The following SMARCA4 variants were observed in gnomAD, a reference collection of about 807,000 sequenced individuals.
The protein encoded by SMARCA4 is SWI/SNF related BAF chromatin remodeling complex subunit ATPase 4, also known as SWI/SNF-related matrix-associated actin-dependent regulator of chromatin subfamily A member 4.
In SMARCA4, 31 loss-of-function variants were observed where a neutral mutation model predicts 193.9. The observed-to-expected ratio is 0.16, with a 90% confidence interval of 0.12 to 0.22. The LOEUF is 0.22. SMARCA4 is among the 10% of genes least tolerant of loss of function. The pLI, the probability that SMARCA4 is intolerant of heterozygous loss-of-function variation, is 1.00. For synonymous variants in SMARCA4, 942 were observed against 933.1 expected, an observed-to-expected ratio of 1.01 and a Z score of -0.17; for missense variants, 1,148 against 2,296.0, an observed-to-expected ratio of 0.50 and a Z score of 10.22.
intron 1 of SMARCA4, chr19:10,965,296 C>G (rs150140711): frequency 6.6e-6 from 1 of 152,152 alleles, no homozygotes; most frequent in African/African-American, 2.4e-5. Context: ...GGGGACAGTA[C>G]TAGTACCCAG....
chr19:11,002,852 G>T (rs1372695355), intron 11 of SMARCA4, among the ~76,000 whole-genome samples, 177 bp from the exon 12 acceptor site: 1 of 151,724 alleles, frequency 6.6e-6, no homozygotes, highest in Non-Finnish European at 1.5e-5. Flanking sequence ...AGGTTGATGG[G>T]TTATATATTT....
chr19:10,981,453 C>T (rs977464474), intron 1 of SMARCA4, among the ~76,000 whole-genome samples: 1 of 152,248 alleles, frequency 6.6e-6, no homozygotes, highest in Non-Finnish European at 1.5e-5. Context: ...GTTTCTGTAG[C>T]AGAATGTGCG....
chr19:11,007,509 C>A (rs1197326935), intron 13 of SMARCA4, among the ~76,000 whole-genome samples: 2 of 149,108 alleles, frequency 1.3e-5, no homozygotes, highest in Admixed American at 1.3e-4. Flanking sequence ...GAGGCTGAGG[C>A]GAGAGGATTG....
intron 11 of SMARCA4, among the ~76,000 whole-genome samples, chr19:11,001,788 A>G (rs1176350590): frequency 1.3e-5 from 2 of 152,256 alleles, no homozygotes; most frequent in African/African-American, 4.8e-5. Context: ...GATGAAAACC[A>G]AAATTTAAAC....
intron 30 of SMARCA4, among the ~76,000 whole-genome samples, chr19:11,053,882 G>T (rs887578589): frequency 6.6e-6 from 1 of 152,170 alleles, no homozygotes; most frequent in Non-Finnish European, 1.5e-5. Flanking sequence ...CTGCACTCTA[G>T]CCTGGGCAAC....
chr19:11,020,820 GTTTTC>G (rs2089798578), intron 18 of SMARCA4: 1 of 151,840 alleles, frequency 6.6e-6, no homozygotes, highest in Admixed American at 6.6e-5. Context: ...TGAACTGGGT[GTTTTC>G]TTTTCTTTTT....
intron 30 of SMARCA4, among the ~76,000 whole-genome samples, chr19:11,045,784 C>A (rs2075868787): frequency 1.3e-5 from 2 of 152,078 alleles, no homozygotes; most frequent in Admixed American, 6.6e-5. Flanking sequence ...ATAAATCATA[C>A]AATAAATTAA....
At chr19:11,013,361 C>T (rs146987562) in intron 16 of SMARCA4, among the ~76,000 whole-genome samples, 142 of 152,310 alleles carry the variant, frequency 9.3e-4, no homozygotes, top group Non-Finnish European at 1.7e-3. Context: ...CTGTGCGTGT[C>T]TGTGTCCTCA....
intron 19 of SMARCA4, among the ~76,000 whole-genome samples, chr19:11,022,656 G>A (rs931090909): frequency 2.6e-5 from 4 of 152,270 alleles, no homozygotes; most frequent in Non-Finnish European, 5.9e-5. Flanking sequence ...TGCCCAGCAC[G>A]GCTGGGCCCA....
chr19:11,057,959 T>C (rs1420485176), intron 30 of SMARCA4, among the ~76,000 whole-genome samples: 1 of 151,154 alleles, frequency 6.6e-6, no homozygotes, highest in Non-Finnish European at 1.5e-5. Context: ...AAAATTAGCC[T>C]GGCATGGTGG....
At chr19:11,022,212 TC>T (rs1568487771) in intron 19 of SMARCA4, among the ~76,000 whole-genome samples, 1 of 152,056 alleles carries the variant, frequency 6.6e-6, no homozygotes, top group Non-Finnish European at 1.5e-5. Flanking sequence ...GACCCTATGC[TC>T]CAGGTGCAGA....
At chr19:11,026,048 C>T (rs141189809) in intron 22 of SMARCA4, among the ~76,000 whole-genome samples, 27 of 152,324 alleles carry the variant, frequency 1.8e-4, no homozygotes, top group African/African-American at 4.8e-4. Flanking sequence ...ATGACGTCCT[C>T]GTGCATTCAG....
intron 1 of SMARCA4, among the ~76,000 whole-genome samples, chr19:10,975,004 A>T (rs111362490): frequency 1.4e-5 from 2 of 143,536 alleles, no homozygotes; most frequent in Non-Finnish European, 3.0e-5. Context: ...AGCCATATGC[A>T]TATATAGTTA....
At position 11,062,113 on chromosome 19, in the gene SMARCA4, G is replaced by A. The variant is rs1438472990; in HGVS notation, c.*297G>A. ...TTTCCGTTGCTGGCAGTACTGTTGC[G>A]CCGCAGTTTGGAGTCACTGTAGTTA... On this transcript the variant is annotated 3_prime_UTR_variant, in exon 35 of 35. Transcript: ENST00000344626. 14 of 503,528 alleles carry A rather than the reference G, an allele frequency of 2.8e-5. No homozygotes were observed. Among genetic ancestry groups the A allele is most frequent in the East Asian group, 3.4e-5 (1 of 29,506 alleles). The allele number at this position is 503,528 out of a possible 1,614,324, so 31.2% of individuals were successfully genotyped here. A position where few individuals can be genotyped will look rare whatever the true frequency, so the allele number is the denominator to read the frequency against.
chr19:11,016,836 T>G (rs767345376), intron 16 of SMARCA4, among the ~76,000 whole-genome samples: 1 of 152,182 alleles, frequency 6.6e-6, no homozygotes, highest in South Asian at 2.1e-4. Context: ...TTGAGGACTT[T>G]CTTGCTTTTT....
At chr19:11,055,569 T>G (rs1373321438) in intron 30 of SMARCA4, among the ~76,000 whole-genome samples, 1 of 152,092 alleles carries the variant, frequency 6.6e-6, no homozygotes, top group Non-Finnish European at 1.5e-5. Flanking sequence ...GGGTGCTTAT[T>G]ATAAAGCCTT....
rs2146472963 is a variant in SMARCA4, at chr19:11,024,361, G to A, written c.3004G>A (p.Ala1002Thr). ...VEYVIKCDMS[A>T]LQRVLYRHMQ... is the part of the protein sequence containing the mutation. ...GTACGTCATCAAGTGCGACATGTCT[G>A]CGCTGCAGCGAGTGCTCTACCGCCA... The change falls in exon 21 of 35, where the codon GCG (alanine) becomes ACG (threonine). Residue 1002 changes from alanine (A) to threonine (T), a missense_variant. Physicochemically the swap from Ala to Thr is moderately conservative, Grantham distance 58. Transcript: ENST00000344626. The A allele has an allele frequency of 6.2e-7, 1 of 1,613,050 alleles. No homozygotes were observed. The highest frequency in any genetic ancestry group is 8.5e-7 in the Non-Finnish European group (1 of 1,179,768).
Position 10,986,352 on chromosome 19 carries a change from C to G in SMARCA4, c.519C>G (p.Asn173Lys). Residue 173 changes from asparagine (N) to lysine (K), a missense_variant, in exon 4 of 35, where the codon AAC (asparagine) becomes AAG (lysine). By Grantham distance (94) the Asn-to-Lys change is moderately conservative. Coordinates refer to ENST00000344626, the MANE Select transcript of SMARCA4 (RefSeq NM_003072.5). The surrounding 1 kb of genome is among the most constrained non-coding windows in gnomAD (Gnocchi z 6.7). ...GQQNRGPTPF[N>K]QNQLHQLRAQ... ...AGAACCGGGGCCCAACCCCATTTAA[C>G]CAGAACCAGCTGCACCAGCTCAGAG... The G allele has an allele frequency of 6.2e-7, 1 of 1,612,326 alleles. No homozygotes were observed. Among genetic ancestry groups the G allele is most frequent in the Non-Finnish European group, 8.5e-7 (1 of 1,179,464 alleles).
rs1060504461 is a variant in SMARCA4, at chr19:10,996,347, C to T, written c.1728C>T (p.Val576=). Residue 576 remains valine, a synonymous_variant, in exon 10 of 35, where the codon GTC becomes GTT. Transcript: ENST00000344626. ...TGCGGCAGCACAAGGCTGCCCAGGTCGCCAAGGAGAAAAAGAAGAAAAAGA... is the reference window on the plus strand; with the variant it reads ...TGCGGCAGCACAAGGCTGCCCAGGTTGCCAAGGAGAAAAAGAAGAAAAAGA... ...ELVRQHKAAQ[V]AKEKKKKKKK... is the part of the protein sequence containing the mutation. The T allele has an allele frequency of 1.7e-5, 27 of 1,614,042 alleles. No homozygotes were observed. Among genetic ancestry groups the T allele is most frequent in the Admixed American group, 1.7e-4 (10 of 60,010 alleles).
Sources: gnomAD v4.1 joint callset for allele counts (sites outside exome capture counted in the v4.1 genomes callset) on GRCh38, gnomAD v4.1.1 for gene constraint, Gnocchi (gnomAD v3.1) non-coding constraint, MANE v1.5 for transcripts, NCBI Gene and HGNC (gene_info 2026-07-23, HGNC 2026-07-21) for gene names.